The following CSMD1 variants were observed in gnomAD, a reference collection of about 807,000 sequenced individuals.
CSMD1 encodes CUB and sushi domain-containing protein 1.
CSMD1 carries 213 observed loss-of-function variants against 417.5 expected under a neutral mutation model. The observed-to-expected ratio is 0.51, with a 90% CI of 0.46 to 0.57. The LOEUF (loss-of-function observed/expected upper bound fraction) is 0.57, where lower values mean the gene tolerates loss of function less well. Among genes scored for constraint, CSMD1 ranks in the 20% least tolerant of loss-of-function variants. CSMD1 has a pLI of 0.00. For missense variants in CSMD1, 6,923 were observed against 4,529.7 expected (o/e 1.53, Z -15.17); for synonymous variants, 2,862 against 1,736.8 (o/e 1.65, Z -16.11).
chr8:3,106,505 T>C (rs1261475632), intron 46 of CSMD1, 23 bp downstream of exon 46: 2 of 1,441,802 alleles, frequency 1.4e-6, no homozygotes, highest in South Asian at 1.2e-5. Context: ...GTTTATGTAG[T>C]TTTAGTATCG....
intron 12 of CSMD1, among the ~76,000 whole-genome samples, chr8:3,412,920 A>T (rs73657852): frequency 0.097 from 14,711 of 151,640 alleles, 944 homozygotes; most frequent in East Asian, 0.25. Context: ...TGGGCTCTCC[A>T]TTGGGAAGCT....
chr8:3,784,313 C>A (rs1460880961), intron 5 of CSMD1, among the ~76,000 whole-genome samples: 2 of 152,146 alleles, frequency 1.3e-5, no homozygotes, highest in Non-Finnish European at 2.9e-5. Flanking sequence ...TATATACTTT[C>A]TAATATCTCA....
At chr8:4,459,770 C>G (rs140800175) in intron 2 of CSMD1, among the ~76,000 whole-genome samples, 2 of 152,294 alleles carry the variant, frequency 1.3e-5, no homozygotes, top group East Asian at 1.9e-4. Context: ...GCCTCCAGAA[C>G]TATGAGAAAA....
chr8:2,961,434 G>A (rs897070101), intron 61 of CSMD1, among the ~76,000 whole-genome samples: 6 of 151,988 alleles, frequency 3.9e-5, no homozygotes, highest in Non-Finnish European at 7.4e-5. Context: ...AGTTCAGTAT[G>A]TTCTTCTTAT....
At chr8:3,155,909 C>T (rs767098450) in intron 39 of CSMD1, among the ~76,000 whole-genome samples, 14 of 152,228 alleles carry the variant, frequency 9.2e-5, no homozygotes, top group Non-Finnish European at 1.2e-4. Context: ...TTTTATTTTC[C>T]TCTGTACACA....
At chr8:3,269,400 G>A (rs13261870) in intron 26 of CSMD1, among the ~76,000 whole-genome samples, 6 of 152,122 alleles carry the variant, frequency 3.9e-5, no homozygotes, top group Non-Finnish European at 5.9e-5. Context: ...ACAGGCTTAC[G>A]GCTGGTTTTC....
At chr8:3,040,472 A>C (rs139315952) in intron 50 of CSMD1, among the ~76,000 whole-genome samples, 3,114 of 147,390 alleles carry the variant, frequency 0.021, 96 homozygotes, top group African/African-American at 0.072. Flanking sequence ...ATCTATCTAT[A>C]TATATAAACA....
chr8:3,426,386 G>C (rs974682652), intron 12 of CSMD1, among the ~76,000 whole-genome samples: 1 of 152,040 alleles, frequency 6.6e-6, no homozygotes, highest in Admixed American at 6.6e-5. Context: ...TCCCCTTTTG[G>C]ATCTAATTTA....
At chr8:4,783,742 C>G (rs1479146320) in intron 1 of CSMD1, among the ~76,000 whole-genome samples, 2 of 152,118 alleles carry the variant, frequency 1.3e-5, no homozygotes, top group South Asian at 4.1e-4. Context: ...GCAAGCATAT[C>G]CTCTTTCTAG....
intron 6 of CSMD1, among the ~76,000 whole-genome samples, chr8:3,741,452 G>C (rs1322294309): frequency 6.6e-6 from 1 of 152,150 alleles, no homozygotes; most frequent in Non-Finnish European, 1.5e-5. Flanking sequence ...CCTACATCAT[G>C]ACAGAGGGAG....
chr8:2,964,783 G>T (rs111460511), intron 59 of CSMD1, among the ~76,000 whole-genome samples: 30 of 152,300 alleles, frequency 2.0e-4, no homozygotes, highest in African/African-American at 5.8e-4. Flanking sequence ...GGAGACGAAA[G>T]CAGGATGGTC....
chr8:3,737,527 C>T (rs1054010661), intron 6 of CSMD1, among the ~76,000 whole-genome samples: 2 of 152,176 alleles, frequency 1.3e-5, no homozygotes, highest in African/African-American at 4.8e-5. Context: ...TACACTGTTA[C>T]TGGTTTCTTT....
At chr8:3,893,958 C>T (rs1324166334) in intron 5 of CSMD1, among the ~76,000 whole-genome samples, 1 of 151,970 alleles carries the variant, frequency 6.6e-6, no homozygotes, top group Non-Finnish European at 1.5e-5. Context: ...GAGGACCACC[C>T]AGAACTTGCT....
At chr8:4,456,299 T>A (rs1799480097) in intron 2 of CSMD1, among the ~76,000 whole-genome samples, 1 of 152,240 alleles carries the variant, frequency 6.6e-6, no homozygotes, top group East Asian at 1.9e-4. Flanking sequence ...GAAGACAATT[T>A]GTAATAAAGA....
chr8:4,197,070 T>C (rs1799378881), intron 3 of CSMD1, among the ~76,000 whole-genome samples: 1 of 152,204 alleles, frequency 6.6e-6, no homozygotes, highest in African/African-American at 2.4e-5. Context: ...GAGCTTGTGT[T>C]CTATGGGAAA....
intron 2 of CSMD1, among the ~76,000 whole-genome samples, chr8:4,531,473 G>C (rs971103108): frequency 5.3e-5 from 8 of 152,090 alleles, no homozygotes; most frequent in Admixed American, 6.6e-5. Flanking sequence ...ATGTGGCTTT[G>C]TTTTTGTCAT....
intron 3 of CSMD1, among the ~76,000 whole-genome samples, chr8:4,419,478 G>A (rs191301669): frequency 1.5e-3 from 232 of 152,192 alleles, no homozygotes; most frequent in African/African-American, 5.3e-3. Context: ...AAGTCTCTAT[G>A]CCTTGCATGA....
intron 2 of CSMD1, among the ~76,000 whole-genome samples, chr8:4,520,905 G>C (rs991456121): frequency 6.6e-6 from 1 of 151,962 alleles, no homozygotes; most frequent in South Asian, 2.1e-4. Context: ...AAATATTTTG[G>C]ACACATGGGT....
Position 4,052,514 on chromosome 8 carries a change from C to A in CSMD1, c.416-20415G>T, listed in dbSNP as rs1054454076. Among the ~76,000 whole-genome samples, 5 of 152,154 alleles carry A rather than the reference C, an allele frequency of 3.3e-5. No homozygotes were observed. In the East Asian group the frequency reaches 9.7e-4, roughly 29 times the overall value. On this transcript the variant is annotated intron_variant, in intron 3 of 69. Coordinates refer to ENST00000635120, the MANE Select transcript of CSMD1 (RefSeq NM_033225.6). ...GAGTGCAGTGGGAGATCAGCATCTC[C>A]AAATTTAGTTTGCTAGAACGTCAAT...
Sources: gnomAD v4.1 joint callset for allele counts (sites outside exome capture counted in the v4.1 genomes callset) on GRCh38, gnomAD v4.1.1 for gene constraint, MANE v1.5 for transcripts, NCBI Gene and HGNC (gene_info 2026-07-23, HGNC 2026-07-21) for gene names.